ASH1L: variants seen among roughly 807,000 people sequenced by gnomAD.
The protein encoded by ASH1L is ASH1 like histone lysine methyltransferase.
In ASH1L, 23 loss-of-function variants were observed where a neutral mutation model predicts 269.0. That is an observed-to-expected ratio of 0.09 (90% confidence interval 0.06 to 0.12). The LOEUF (loss-of-function observed/expected upper bound fraction) is 0.12. Among genes scored for constraint, ASH1L ranks in the 10% least tolerant of loss-of-function variants. The probability of loss-of-function intolerance (pLI) is 1.00; values close to 1 mark genes in which losing one functional copy is unlikely to be tolerated. For missense variants in ASH1L, 2,912 were observed against 3,567.8 expected (o/e 0.82, Z 4.68); for synonymous variants, 1,187 against 1,253.5 (o/e 0.95, Z 1.12).
intron 7 of ASH1L, among the ~76,000 whole-genome samples, chr1:155,388,436 G>A (rs754938093): frequency 1.2e-4 from 18 of 151,352 alleles, no homozygotes; most frequent in Non-Finnish European, 1.9e-4. Flanking sequence ...GACCACAGGT[G>A]CATGTCACCA....
Position 155,343,748 on chromosome 1 carries a change from A to G in ASH1L, c.7982-6T>C, listed in dbSNP as rs184844845. Reference sequence around the variant, plus strand: ...CATCAGATACACACAGTCACCTAGGAAGACCCAGAACACAGAAGAAACATA... The same window carrying G: ...CATCAGATACACACAGTCACCTAGGGAGACCCAGAACACAGAAGAAACATA... On this transcript the variant is annotated splice_polypyrimidine_tract_variant and splice_region_variant and intron_variant, in intron 22 of 27. Coordinates refer to ENST00000392403, the MANE Select transcript of ASH1L (RefSeq NM_018489.3). This position sits in a 1 kb window ranked among gnomAD's most constrained non-coding sequence, Gnocchi z 6.1. The G allele has an allele frequency of 1.6e-5, 26 of 1,613,206 alleles. No homozygotes were observed. The Admixed American group carries it at 4.4e-4, about 27-fold the overall frequency.
chr1:155,419,458 G>A (rs928587205), intron 5 of ASH1L: 1 of 151,736 alleles, frequency 6.6e-6, no homozygotes, highest in Non-Finnish European at 1.5e-5. Flanking sequence ...CATGGCCCTG[G>A]TGCAAGAATG....
intron 6 of ASH1L, among the ~76,000 whole-genome samples, chr1:155,405,912 A>G (rs922341427): frequency 6.6e-6 from 1 of 151,910 alleles, no homozygotes; most frequent in Non-Finnish European, 1.5e-5. Context: ...CTGTTAAGAC[A>G]GCAAAACTTG....
chr1:155,341,347 G>T (rs1570939450), intron 25 of ASH1L, among the ~76,000 whole-genome samples: 3 of 151,572 alleles, frequency 2.0e-5, no homozygotes, highest in Non-Finnish European at 2.9e-5. Flanking sequence ...TGGCTAATTT[G>T]TTGTATTTTT....
At chr1:155,552,752 T>C (rs1458540012) in intron 1 of ASH1L, among the ~76,000 whole-genome samples, 1 of 152,082 alleles carries the variant, frequency 6.6e-6, no homozygotes, top group Non-Finnish European at 1.5e-5. Context: ...AAATTGAAAA[T>C]GGAAAAAATA....
rs186000681 is a variant in ASH1L, at chr1:155,362,376, T to C, written c.6687-1967A>G. On this transcript the variant is annotated intron_variant, in intron 12 of 27. Transcript: ENST00000392403. ...GAGTTTGTGACTCGCCTGGGCAACA[T>C]AGTGAGACCTTATCTTAATATATTA... 2.5e-4 allele frequency among the ~76,000 whole-genome samples: 38 copies of C among 151,338 alleles called. No individual in the cohort carries two copies. The East Asian group carries it at 5.2e-3, about 21-fold the overall frequency.
At chr1:155,399,766 T>G (rs1658673846) in intron 6 of ASH1L, among the ~76,000 whole-genome samples, 1 of 151,606 alleles carries the variant, frequency 6.6e-6, no homozygotes, top group South Asian at 2.1e-4. Context: ...TTAAGAAAAC[T>G]TATTTGAAAA....
At chr1:155,418,995 C>T (rs891725565) in intron 5 of ASH1L, among the ~76,000 whole-genome samples, 3 of 152,000 alleles carry the variant, frequency 2.0e-5, no homozygotes, top group Admixed American at 6.6e-5. Flanking sequence ...GGTGTGAACC[C>T]GAGAGCTTGC....
chr1:155,401,410 G>A (rs1318338442), intron 6 of ASH1L, among the ~76,000 whole-genome samples: 6 of 151,406 alleles, frequency 4.0e-5, no homozygotes, highest in Middle Eastern at 3.4e-3. Context: ...CCTGGGAGGC[G>A]GAGATTGCAG....
intron 3 of ASH1L, among the ~76,000 whole-genome samples, chr1:155,472,837 A>G (rs1405706315): frequency 6.6e-6 from 1 of 152,184 alleles, no homozygotes; most frequent in Non-Finnish European, 1.5e-5. Flanking sequence ...AGAGATCATC[A>G]CAAAGAATCA....
intron 5 of ASH1L, among the ~76,000 whole-genome samples, chr1:155,432,753 T>C (rs1430404162): frequency 6.6e-6 from 1 of 152,210 alleles, no homozygotes; most frequent in African/African-American, 2.4e-5. Flanking sequence ...TTGTCGTTGT[T>C]GAGACGAAGT....
At position 155,388,326 on chromosome 1, in the gene ASH1L, CTG is replaced by C. The variant is rs899306668; in HGVS notation, c.6103+7131_6103+7132del. 3.8e-4 allele frequency among the ~76,000 whole-genome samples: 58 copies of C among 152,326 alleles called. 1 individual carries two copies. The highest frequency in any genetic ancestry group is 3.7e-3 in the Admixed American group (57 of 15,290). On this transcript the variant is annotated intron_variant, in intron 7 of 27. Transcript: ENST00000392403. The stretch of plus-strand genomic sequence containing the variant: ...TTTGTTTTTGAGACAGGATCTCACT[CTG>C]TCTTTCAGGCTGGAGTGCACTGGTG...
intron 2 of ASH1L, among the ~76,000 whole-genome samples, chr1:155,492,181 A>G (rs1666853035): frequency 6.6e-6 from 1 of 151,704 alleles, no homozygotes; most frequent in Admixed American, 6.6e-5. Flanking sequence ...GATTACAGGC[A>G]TGTGCCACTG....
rs1417812270 is a variant in ASH1L, at chr1:155,562,633, GC to G, written c.-581del. The G allele has an allele frequency of 2.0e-5, 30 of 1,525,858 alleles. No homozygotes were observed. The African/African-American group carries it at 3.8e-4, about 20-fold the overall frequency. The allele number at this position is 1,525,858 out of a possible 1,614,324, so 94.5% of individuals were successfully genotyped here. On this transcript the variant is annotated 5_prime_UTR_variant, in exon 1 of 28. Coordinates refer to ENST00000392403, the MANE Select transcript of ASH1L (RefSeq NM_018489.3). The stretch of plus-strand genomic sequence containing the variant: ...GCGTACGAGTGTCTACGGGCTCGTC[GC>G]TGGCTGCTCCCACCAACCACCACCT...
intron 24 of ASH1L, among the ~76,000 whole-genome samples, chr1:155,342,667 T>C (rs1652914864): frequency 2.0e-5 from 3 of 152,226 alleles, no homozygotes; most frequent in Admixed American, 2.0e-4. Flanking sequence ...AGTGCTTTTG[T>C]AGATTATTTT....
intron 1 of ASH1L, among the ~76,000 whole-genome samples, chr1:155,538,258 G>GCCAGT (rs1302579734): frequency 6.6e-6 from 1 of 152,046 alleles, no homozygotes; most frequent in African/African-American, 2.4e-5. Context: ...GGCCAGGTTG[G>GCCAGT]TCTTGAACGT....
intron 4 of ASH1L, among the ~76,000 whole-genome samples, chr1:155,446,698 T>C (rs1174011348): frequency 6.7e-6 from 1 of 149,116 alleles, no homozygotes; most frequent in Non-Finnish European, 1.5e-5. Flanking sequence ...CTCGGCTCAC[T>C]GCAAGCTCCG....
At chr1:155,511,060 A>T (rs1668130465) in intron 2 of ASH1L, among the ~76,000 whole-genome samples, 1 of 152,206 alleles carries the variant, frequency 6.6e-6, no homozygotes, top group Admixed American at 6.5e-5. Flanking sequence ...AAGTAATAAA[A>T]GTATGAAATA....
At chr1:155,403,910 C>T (rs1659053994) in intron 6 of ASH1L, among the ~76,000 whole-genome samples, 1 of 151,186 alleles carries the variant, frequency 6.6e-6, no homozygotes, top group Non-Finnish European at 1.5e-5. Flanking sequence ...AAAAAAATAG[C>T]CAGGTATGGT....
Sources: gnomAD v4.1 joint callset for allele counts (sites outside exome capture counted in the v4.1 genomes callset) on GRCh38, gnomAD v4.1.1 for gene constraint, Gnocchi (gnomAD v3.1) non-coding constraint, MANE v1.5 for transcripts, NCBI Gene and HGNC (gene_info 2026-07-23, HGNC 2026-07-21) for gene names.